Variants in RORA observed in about 807,000 individuals in gnomAD.
RORA encodes RAR related orphan receptor A, also known as nuclear receptor ROR-alpha.
In RORA, 7 loss-of-function variants were observed where a neutral mutation model predicts 69.5. That is an observed-to-expected ratio of 0.10 (90% CI 0.06 to 0.19). The LOEUF is 0.19. Ranked by LOEUF, RORA falls within the 10% of genes least tolerant of loss-of-function variation. RORA has a pLI of 1.00. For synonymous variants in RORA, 261 were observed against 240.8 expected (o/e 1.08, Z -0.78); for missense variants, 457 against 663.0 (o/e 0.69, Z 3.41).
rs2080179644 is a variant in RORA, at chr15:61,229,255, G to A, written c.-37C>T. The A allele has an allele frequency of 8.4e-7, 1 of 1,195,386 alleles. No homozygotes were observed. Among genetic ancestry groups the A allele is most frequent in the Non-Finnish European group, 1.1e-6 (1 of 948,310 alleles). 74.0% of individuals were successfully genotyped at this position (1,195,386 alleles called of 1,614,324 possible). On this transcript the variant is annotated 5_prime_UTR_variant, in exon 1 of 11. Transcript: ENST00000335670. ...ATGTAGAGATCGCTGGAGATGGCGAGCTCCGAGACTCCCTCTATCTTCTGT... is the reference window on the plus strand; with the variant it reads ...ATGTAGAGATCGCTGGAGATGGCGAACTCCGAGACTCCCTCTATCTTCTGT...
intron 1 of RORA, among the ~76,000 whole-genome samples, chr15:60,946,519 T>C (rs1455666381): frequency 3.9e-5 from 6 of 152,226 alleles, no homozygotes; most frequent in East Asian, 1.9e-4. Flanking sequence ...ATCTGCCAGC[T>C]TCGGCCTCCC....
At chr15:61,026,760 T>A (rs1172143950) in intron 1 of RORA, among the ~76,000 whole-genome samples, 1 of 152,226 alleles carries the variant, frequency 6.6e-6, no homozygotes, top group Non-Finnish European at 1.5e-5. Flanking sequence ...TGCCTGTTCC[T>A]ATTTTAAACT....
intron 1 of RORA, among the ~76,000 whole-genome samples, chr15:61,077,977 C>T (rs1018743851): frequency 1.3e-5 from 2 of 152,160 alleles, no homozygotes; most frequent in Non-Finnish European, 1.5e-5. Context: ...CTCAATGACA[C>T]TGAACTGTAA....
intron 1 of RORA, among the ~76,000 whole-genome samples, chr15:61,036,536 C>T (rs1896466217): frequency 1.3e-5 from 2 of 152,154 alleles, no homozygotes; most frequent in Admixed American, 6.5e-5. Flanking sequence ...ACACCACTGA[C>T]TGGGCCCTTA....
intron 1 of RORA, among the ~76,000 whole-genome samples, chr15:60,841,370 G>A (rs1248812354): frequency 2.0e-5 from 3 of 152,156 alleles, no homozygotes; most frequent in African/African-American, 7.2e-5. Context: ...TGTGGCTGCC[G>A]CGGCCACAGC....
Position 60,518,991 on chromosome 15 carries a change from A to G in RORA, c.283-4234T>C, listed in dbSNP as rs2066062447. On this transcript the variant is annotated intron_variant, in intron 3 of 10. Coordinates refer to ENST00000335670, the MANE Select transcript of RORA (RefSeq NM_134261.3). ...GGAAGCAAAGAGAGACCACATTCAC[A>G]TAACTTTTATTACAGTATATTTTAA... Among the ~76,000 whole-genome samples the G allele has an allele frequency of 2.0e-5, 3 of 152,348 alleles. 1 individual carries two copies. In the South Asian group the frequency reaches 6.2e-4, roughly 32 times the overall value.
chr15:60,911,067 T>G (rs1891696886), intron 1 of RORA, among the ~76,000 whole-genome samples: 1 of 116,292 alleles, frequency 8.6e-6, no homozygotes. Flanking sequence ...CATGCCCAGC[T>G]AATTTTTTTT....
intron 1 of RORA, among the ~76,000 whole-genome samples, chr15:60,790,036 C>T (rs551551850): frequency 6.6e-6 from 1 of 152,198 alleles, no homozygotes; most frequent in Non-Finnish European, 1.5e-5. Flanking sequence ...TCACCTTCCT[C>T]CATCTGAGAA....
chr15:60,831,434 A>G (rs2073040756), intron 1 of RORA, among the ~76,000 whole-genome samples: 1 of 152,110 alleles, frequency 6.6e-6, no homozygotes, highest in South Asian at 2.1e-4. Flanking sequence ...AGGACACACA[A>G]CAGACATCTC....
chr15:60,707,719 T>C (rs796533780), intron 1 of RORA, among the ~76,000 whole-genome samples: 6 of 152,250 alleles, frequency 3.9e-5, no homozygotes, highest in African/African-American at 1.4e-4. Flanking sequence ...CCCACTGACA[T>C]AAATCCTCTT....
intron 2 of RORA, among the ~76,000 whole-genome samples, chr15:60,590,663 G>T (rs1187064939): frequency 4.6e-5 from 7 of 151,828 alleles, no homozygotes. Flanking sequence ...CACTTACAGG[G>T]CTAATGAAAT....
chr15:60,946,114 A>T (rs1000637650), intron 1 of RORA, among the ~76,000 whole-genome samples: 1 of 152,118 alleles, frequency 6.6e-6, no homozygotes, highest in African/African-American at 2.4e-5. Flanking sequence ...AAAGATAATG[A>T]GCCAGGATCA....
chr15:61,175,898 G>A (rs1302912549), intron 1 of RORA, among the ~76,000 whole-genome samples: 3 of 151,996 alleles, frequency 2.0e-5, no homozygotes, highest in Non-Finnish European at 4.4e-5. Flanking sequence ...ACAAGTTATT[G>A]TAGCAGTGAA....
intron 2 of RORA, among the ~76,000 whole-genome samples, chr15:60,552,585 C>T (rs1367117947): frequency 6.6e-6 from 1 of 152,184 alleles, no homozygotes; most frequent in Non-Finnish European, 1.5e-5. Context: ...AATCCTACCA[C>T]CTGCTTCTAG....
intron 1 of RORA, among the ~76,000 whole-genome samples, chr15:60,895,557 C>G (rs905175473): frequency 7.2e-6 from 1 of 138,398 alleles, no homozygotes; most frequent in African/African-American, 2.6e-5. Flanking sequence ...GCCTCCACCC[C>G]CCTCTCAGAA....
rs75992654 is a variant in RORA at position 61,009,819 on chromosome 15, T to C, written c.166+219234A>G. Among the ~76,000 whole-genome samples the C allele has an allele frequency of 4.6e-3, 707 of 152,308 alleles. 2 individuals carry two copies. Among genetic ancestry groups the C allele is most frequent in the African/African-American group, 0.016 (659 of 41,554 alleles). On this transcript the variant is annotated intron_variant, in intron 1 of 10. Coordinates refer to ENST00000335670, the MANE Select transcript of RORA (RefSeq NM_134261.3). ...TAATCCATTAATTTGCTAATTGGTG[T>C]TCATTACTTTGGACATGGGCTTCGA...
At chr15:61,146,453 T>A (rs2079349939) in intron 1 of RORA, among the ~76,000 whole-genome samples, 1 of 87,804 alleles carries the variant, frequency 1.1e-5, no homozygotes. Flanking sequence ...CCAACACACA[T>A]ACACATACAC....
At chr15:60,586,221 CAA>C (rs1428005559) in intron 2 of RORA, among the ~76,000 whole-genome samples, 1 of 152,120 alleles carries the variant, frequency 6.6e-6, no homozygotes, top group Non-Finnish European at 1.5e-5. Flanking sequence ...AATTTTAAAA[CAA>C]AAGTTTTTCA....
chr15:61,180,587 C>A (rs1283221524), intron 1 of RORA, among the ~76,000 whole-genome samples: 2 of 152,228 alleles, frequency 1.3e-5, no homozygotes, highest in Admixed American at 6.5e-5. Flanking sequence ...AAAAAGCTTT[C>A]CCTGAATTCT....
Sources: allele counts gnomAD v4.1 joint callset (sites outside exome capture counted in the v4.1 genomes callset), GRCh38; gene constraint gnomAD v4.1.1; transcripts MANE v1.5; gene names NCBI Gene and HGNC (gene_info 2026-07-23, HGNC 2026-07-21).